The following WDR11 variants were observed in gnomAD, a reference collection of about 807,000 sequenced individuals.
WDR11 encodes the protein WD repeat domain 11.
In WDR11, 83 loss-of-function variants were observed where a neutral mutation model predicts 151.2. The observed-to-expected ratio is 0.55, with a 90% CI of 0.46 to 0.66. The LOEUF (loss-of-function observed/expected upper bound fraction) is 0.66. WDR11 is among the 30% of genes least tolerant of loss of function. The pLI, the probability that WDR11 is intolerant of heterozygous loss-of-function variation, is 0.00. For missense variants in WDR11, 1,301 were observed against 1,480.9 expected, an observed-to-expected ratio of 0.88 and a Z score of 1.99; for synonymous variants, 484 against 533.1, an observed-to-expected ratio of 0.91 and a Z score of 1.27.
chr10:120,902,221 A>C, intron 21 of WDR11, 36 bp from the exon 22 acceptor site: 1 of 1,587,444 alleles, frequency 6.3e-7, no homozygotes, highest in Non-Finnish European at 8.7e-7. Flanking sequence ...TTGATTGAAA[A>C]CTTTTGTCTC....
intron 9 of WDR11, among the ~76,000 whole-genome samples, chr10:120,869,910 C>T (rs1458128896): frequency 6.6e-6 from 1 of 152,128 alleles, no homozygotes; most frequent in Non-Finnish European, 1.5e-5. Context: ...CTGCCTCAGC[C>T]CCATGAGTAG....
chr10:120,868,263 G>A (rs1036968469), intron 9 of WDR11, among the ~76,000 whole-genome samples: 1 of 152,046 alleles, frequency 6.6e-6, no homozygotes, highest in Non-Finnish European at 1.5e-5. Flanking sequence ...AGACCAGCCT[G>A]GCCAACATAG....
At chr10:120,853,356 C>T (rs903226461) in intron 2 of WDR11, among the ~76,000 whole-genome samples, 3 of 151,848 alleles carry the variant, frequency 2.0e-5, no homozygotes, top group Non-Finnish European at 2.9e-5. Context: ...AGCTCCACAT[C>T]CTGGGTTCAC....
intron 13 of WDR11, among the ~76,000 whole-genome samples, chr10:120,882,401 G>C (rs971337416): frequency 6.6e-6 from 1 of 151,706 alleles, no homozygotes; most frequent in Non-Finnish European, 1.5e-5. Context: ...AGAACGTGTT[G>C]TAAAGTATTC....
intron 23 of WDR11, among the ~76,000 whole-genome samples, chr10:120,903,534 AAAG>A (rs1847916859): frequency 6.7e-6 from 1 of 149,748 alleles, no homozygotes; most frequent in Non-Finnish European, 1.5e-5. Context: ...GAAAGAAAAG[AAAG>A]AAGCCCTCGG....
At chr10:120,896,454 A>C (rs899517016) in intron 19 of WDR11, among the ~76,000 whole-genome samples, 5 of 131,946 alleles carry the variant, frequency 3.8e-5, no homozygotes, top group African/African-American at 8.4e-5. Flanking sequence ...AAGAGTGAAG[A>C]AAAAGCAAAC....
At chr10:120,900,205 C>T in intron 20 of WDR11, 68 bp downstream of exon 20, 1 of 1,303,080 alleles carries the variant, frequency 7.7e-7, no homozygotes, top group Admixed American at 1.7e-5. Flanking sequence ...TGAAAGTCAG[C>T]CATGGCCTGT....
chr10:120,882,658 AT>A (rs1847059605), intron 13 of WDR11, among the ~76,000 whole-genome samples: 1 of 150,824 alleles, frequency 6.6e-6, no homozygotes. Flanking sequence ...TTATTAATTT[AT>A]TGAAATAAGC....
chr10:120,880,661 A>C, intron 12 of WDR11, 165 bp from the exon 13 acceptor site: 1 of 676,766 alleles, frequency 1.5e-6, no homozygotes, highest in Middle Eastern at 4.2e-4. Flanking sequence ...CATCTCAAAA[A>C]AAAAAACCCG....
intron 15 of WDR11, among the ~76,000 whole-genome samples, chr10:120,886,209 T>A (rs960866102): frequency 2.0e-5 from 3 of 152,192 alleles, no homozygotes; most frequent in African/African-American, 7.2e-5. Context: ...CGAGTGCCCT[T>A]CTACTCCATA....
rs183540068 is a variant in WDR11, at chr10:120,904,598, G to A, written c.3028-48G>A. ...TACCTTATGAATTTTAAAAAGTTAT[G>A]TTGGAGGAAAATGTTCTCATAATTA... On this transcript the variant is annotated intron_variant, in intron 24 of 28. Transcript: ENST00000263461. 9 of 1,610,064 alleles carry A rather than the reference G, an allele frequency of 5.6e-6. No homozygotes were observed. In the Admixed American group the frequency reaches 1.3e-4, roughly 24 times the overall value.
At chr10:120,873,145 A>G (rs1846607524) in intron 10 of WDR11, among the ~76,000 whole-genome samples, 1 of 152,222 alleles carries the variant, frequency 6.6e-6, no homozygotes, top group African/African-American at 2.4e-5. Context: ...GTGATGACAG[A>G]ATACTAATAG....
At position 120,904,767 on chromosome 10, in the gene WDR11, T is replaced by C; in HGVS notation, c.3149T>C (p.Ile1050Thr). 1 of 1,614,176 alleles carries C rather than the reference T, an allele frequency of 6.2e-7. No homozygotes were observed. Among genetic ancestry groups the C allele is most frequent in the Non-Finnish European group, 8.5e-7 (1 of 1,180,036 alleles). Residue 1050 changes from isoleucine (I) to threonine (T), a missense_variant, in exon 25 of 29, where the codon ATT becomes ACT. Transcript: ENST00000263461. ...TCGTCAGGCCCCTCTCAGAGCACCA[T>C]TAAGTTGGTGGCAACGAATATGATT... Reference protein sequence around the residue: ...VTSSGPSQSTIKLVATNMIAN... With the variant: ...VTSSGPSQSTTKLVATNMIAN...
chr10:120,861,670 G>T (rs773068579), intron 4 of WDR11, among the ~76,000 whole-genome samples: 10 of 152,176 alleles, frequency 6.6e-5, no homozygotes, highest in Non-Finnish European at 1.5e-4. Flanking sequence ...TGCTAGGGTT[G>T]TCATAACTCT....
At chr10:120,860,314 A>C (rs1406106352) in intron 4 of WDR11, 32 bp downstream of exon 4, 1 of 1,603,690 alleles carries the variant, frequency 6.2e-7, no homozygotes. Context: ...AAAATGAGTT[A>C]AGTGAGATAT....
chr10:120,892,826 A>G (rs917119619), intron 19 of WDR11, among the ~76,000 whole-genome samples: 1 of 152,176 alleles, frequency 6.6e-6, no homozygotes, highest in African/African-American at 2.4e-5. Context: ...GCTGCCTAAT[A>G]TGTCAGGGAC....
Position 120,908,897 on chromosome 10 carries a change from C to T in WDR11, c.*184C>T, listed in dbSNP as rs1848180380. 4 of 657,522 alleles carry T rather than the reference C, an allele frequency of 6.1e-6. No homozygotes were observed. Among genetic ancestry groups the T allele is most frequent in the East Asian group, 2.7e-5 (1 of 36,496 alleles). 40.7% of individuals were successfully genotyped at this position (657,522 alleles called of 1,614,324 possible). A position where few individuals can be genotyped will look rare whatever the true frequency, so the allele number is the denominator to read the frequency against. On this transcript the variant is annotated 3_prime_UTR_variant, in exon 29 of 29. Transcript: ENST00000263461. ...ATCTATGTTGAGAGTAAGTTTGTATCCTGCGTTGGTCTCAGAAAGAACGTG... is the reference window on the plus strand; with the variant it reads ...ATCTATGTTGAGAGTAAGTTTGTATTCTGCGTTGGTCTCAGAAAGAACGTG...
intron 2 of WDR11, among the ~76,000 whole-genome samples, chr10:120,855,201 A>G (rs1257776514): frequency 6.6e-6 from 1 of 152,230 alleles, no homozygotes; most frequent in African/African-American, 2.4e-5. Flanking sequence ...ACTTGAACAT[A>G]GCACTGAGAT....
At chr10:120,881,822 C>T (rs1847016699) in intron 13 of WDR11, among the ~76,000 whole-genome samples, 2 of 151,912 alleles carry the variant, frequency 1.3e-5, no homozygotes, top group South Asian at 2.1e-4. Flanking sequence ...ATCTTTACAT[C>T]TTTTCGATCT....
Sources: allele counts gnomAD v4.1 joint callset (sites outside exome capture counted in the v4.1 genomes callset), GRCh38; gene constraint gnomAD v4.1.1; transcripts MANE v1.5; gene names NCBI Gene and HGNC (gene_info 2026-07-23, HGNC 2026-07-21).